Variants in DNAH6 observed in about 807,000 individuals in gnomAD.
DNAH6 encodes the protein axonemal beta dynein heavy chain 6.
A neutral mutation model predicts 491.4 loss-of-function variants in DNAH6; 340 were observed. The observed-to-expected ratio is 0.69, with a 90% confidence interval of 0.63 to 0.76. DNAH6 has a LOEUF of 0.76. Among genes scored for constraint, DNAH6 ranks in the 30% least tolerant of loss-of-function variants. DNAH6 has a pLI of 0.00. For missense variants in DNAH6, 4,443 were observed against 4,972.2 expected (o/e 0.89, Z 3.20); for synonymous variants, 1,603 against 1,686.1 (o/e 0.95, Z 1.21).
intron 4 of DNAH6, among the ~76,000 whole-genome samples, chr2:84,531,843 C>G (rs567564375): frequency 3.3e-5 from 5 of 151,676 alleles, no homozygotes; most frequent in Non-Finnish European, 7.4e-5. Context: ...TAAAAAAAAC[C>G]CTTAATAATA....
chr2:84,577,597 A>G (rs72939189), intron 13 of DNAH6, among the ~76,000 whole-genome samples, 189 bp downstream of exon 13: 1,679 of 152,268 alleles, frequency 0.011, 28 homozygotes, highest in African/African-American at 0.037. Flanking sequence ...AGCTTTTTAG[A>G]TGAGATAATG....
At chr2:84,808,669 C>A in intron 72 of DNAH6, 127 bp downstream of exon 72, 1 of 881,526 alleles carries the variant, frequency 1.1e-6, no homozygotes, top group Non-Finnish European at 1.7e-6. Flanking sequence ...CTCTTCAAGC[C>A]CAATGAGTCT....
At chr2:84,624,792 T>C (rs1687706018) in intron 28 of DNAH6, 110 bp from the exon 29 acceptor site, 3 of 1,281,866 alleles carry the variant, frequency 2.3e-6, no homozygotes, top group Non-Finnish European at 3.2e-6. Context: ...TGTATTTCAA[T>C]TGCTATATTT....
intron 64 of DNAH6, among the ~76,000 whole-genome samples, chr2:84,770,374 A>G (rs1675491728): frequency 6.6e-6 from 1 of 152,194 alleles, no homozygotes; most frequent in Admixed American, 6.5e-5. Flanking sequence ...ACCCTAATGA[A>G]TGCCAGACAT....
At chr2:84,777,749 G>A (rs1350248765) in intron 64 of DNAH6, 18 of 880,392 alleles carry the variant, frequency 2.0e-5, no homozygotes, top group Non-Finnish European at 3.5e-5. Context: ...GAATCGGGCT[G>A]AATCCAGATT....
intron 50 of DNAH6, among the ~76,000 whole-genome samples, 158 bp downstream of exon 50, chr2:84,703,720 C>CTTTTAAGTT (rs556963598): frequency 1.4e-3 from 217 of 150,892 alleles, no homozygotes; most frequent in African/African-American, 5.3e-3. Flanking sequence ...TTTAGCAATG[C>CTTTTAAGTT]TTTTAAGTTG....
chr2:84,737,822 A>G (rs899068787), intron 62 of DNAH6, among the ~76,000 whole-genome samples: 5 of 151,846 alleles, frequency 3.3e-5, no homozygotes, highest in Admixed American at 2.0e-4. Flanking sequence ...TGAGGTCTCA[A>G]TTTTGTTCAT....
chr2:84,684,233 G>A (rs144721230), intron 42 of DNAH6, among the ~76,000 whole-genome samples: 35 of 152,272 alleles, frequency 2.3e-4, no homozygotes, highest in East Asian at 1.4e-3. Context: ...ATATGACTTC[G>A]TTTCTTTCAT....
chr2:84,510,263 T>G, the DNAH6 span, among the ~76,000 whole-genome samples: 1 of 152,230 alleles, frequency 6.6e-6, no homozygotes, highest in Non-Finnish European at 1.5e-5. Context: ...TCTTGGAGGC[T>G]TTGTTCGTTT....
intron 15 of DNAH6, among the ~76,000 whole-genome samples, chr2:84,586,965 T>C (rs1334370627): frequency 1.3e-5 from 2 of 152,198 alleles, no homozygotes; most frequent in South Asian, 2.1e-4. Flanking sequence ...AAGAAACTTT[T>C]ATTTTGGGTT....
chr2:84,603,490 T>C (rs1192224738), intron 18 of DNAH6, among the ~76,000 whole-genome samples: 1 of 152,142 alleles, frequency 6.6e-6, no homozygotes, highest in Non-Finnish European at 1.5e-5. Context: ...CTTTCCACTC[T>C]GTATCCCACT....
chr2:84,780,620 G>T (rs1398735098), intron 64 of DNAH6, among the ~76,000 whole-genome samples: 1 of 152,078 alleles, frequency 6.6e-6, no homozygotes, highest in African/African-American at 2.4e-5. Context: ...TGAATTCTAT[G>T]TCTGTCATTT....
At chr2:84,602,513 T>C (rs1160796786) in intron 18 of DNAH6, among the ~76,000 whole-genome samples, 1 of 101,834 alleles carries the variant, frequency 9.8e-6, no homozygotes, top group Non-Finnish European at 1.9e-5. Flanking sequence ...TTTTTTGGTC[T>C]GGCTACTTTC....
Position 84,777,472 on chromosome 2 carries a change from A to G in DNAH6, c.10704-4021A>G, listed in dbSNP as rs552026438. 7.5e-6 allele frequency: 5 copies of G among 665,880 alleles called. No individual in the cohort carries two copies. The African/African-American group carries it at 8.9e-5, about 12-fold the overall frequency. The allele number at this position is 665,880 out of a possible 1,614,324, so 41.2% of individuals were successfully genotyped here. ...GCAACCGCCTAAGATTCTTCATTATACTTTCTGCCAAATCTGCCACAGAGG... is the reference window on the plus strand; with the variant it reads ...GCAACCGCCTAAGATTCTTCATTATGCTTTCTGCCAAATCTGCCACAGAGG... On this transcript the variant is annotated intron_variant, in intron 64 of 76. Coordinates refer to ENST00000389394, the MANE Select transcript of DNAH6 (RefSeq NM_001370.2).
intron 62 of DNAH6, among the ~76,000 whole-genome samples, chr2:84,743,757 G>C (rs528397082): frequency 6.6e-6 from 1 of 152,304 alleles, no homozygotes; most frequent in East Asian, 1.9e-4. Context: ...GGGAGGCAAA[G>C]GTTGCAGTGA....
chr2:84,534,002 C>T (rs1677433560), intron 4 of DNAH6, among the ~76,000 whole-genome samples: 1 of 152,072 alleles, frequency 6.6e-6, no homozygotes, highest in African/African-American at 2.4e-5. Flanking sequence ...GTGGCTCACA[C>T]TACCCATCAT....
chr2:84,526,151 A>G (rs1466394054), intron 3 of DNAH6, among the ~76,000 whole-genome samples: 1 of 152,112 alleles, frequency 6.6e-6, no homozygotes. Context: ...AGTTGCCTTG[A>G]AAGGCATAAA....
At chr2:84,613,659 G>A (rs1195917188) in intron 22 of DNAH6, among the ~76,000 whole-genome samples, 1 of 152,078 alleles carries the variant, frequency 6.6e-6, no homozygotes, top group East Asian at 1.9e-4. Flanking sequence ...GTAAGAAAGT[G>A]ACAATGAGTA....
the DNAH6 span, among the ~76,000 whole-genome samples, chr2:84,466,318 A>G: frequency 1.3e-5 from 2 of 152,222 alleles, no homozygotes; most frequent in Non-Finnish European, 2.9e-5. Flanking sequence ...AAAATAATCA[A>G]TTTCTCCAAT....
Sources: allele counts gnomAD v4.1 joint callset (sites outside exome capture counted in the v4.1 genomes callset), GRCh38; gene constraint gnomAD v4.1.1; transcripts MANE v1.5; gene names NCBI Gene and HGNC (gene_info 2026-07-23, HGNC 2026-07-21).